Variants in LRBA observed in about 807,000 individuals in gnomAD.
LRBA encodes lipopolysaccharide-responsive and beige-like anchor protein.
Under a neutral mutation model 330.0 loss-of-function variants are expected in LRBA, and 176 were observed. That is an observed-to-expected ratio of 0.53 (90% CI 0.47 to 0.60). The LOEUF (loss-of-function observed/expected upper bound fraction) is 0.60. LRBA is among the 20% of genes least tolerant of loss of function. The pLI is 0.00. For synonymous variants in LRBA, 1,230 were observed against 1,193.0 expected (o/e 1.03, Z -0.64); for missense variants, 3,259 against 3,444.8 (o/e 0.95, Z 1.35).
chr4:150,380,940 C>T (rs984159165), intron 47 of LRBA, among the ~76,000 whole-genome samples: 2 of 138,042 alleles, frequency 1.4e-5, no homozygotes, highest in South Asian at 4.5e-4. Context: ...CAAGATTGCA[C>T]CATTGCATTC....
chr4:150,301,728 G>A (rs963384334), intron 53 of LRBA, among the ~76,000 whole-genome samples: 4 of 152,014 alleles, frequency 2.6e-5, no homozygotes, highest in South Asian at 2.1e-4. Context: ...AGCAAGGACC[G>A]GGTATTCAGG....
intron 28 of LRBA, among the ~76,000 whole-genome samples, chr4:150,835,897 C>G (rs937707655): frequency 6.6e-6 from 1 of 152,174 alleles, no homozygotes; most frequent in Non-Finnish European, 1.5e-5. Flanking sequence ...AAAGGGAATG[C>G]TTCCAGTTTT....
intron 40 of LRBA, chr4:150,582,848 G>A (rs1581738645): frequency 3.4e-6 from 2 of 586,502 alleles, no homozygotes; most frequent in African/African-American, 3.7e-5. Context: ...GAGGGAAAAG[G>A]AAAAAACAAG....
chr4:150,599,102 T>G lies in LRBA; in HGVS notation c.5951A>C (p.Tyr1984Ser). 6.2e-7 allele frequency: 1 copy of G among 1,614,010 alleles called. No homozygotes were observed. Among genetic ancestry groups the G allele is most frequent in the East Asian group, 2.2e-5 (1 of 44,858 alleles). ...SRPLEFWRLDYWEDDLRRRRR... is the reference protein window; with the variant it reads ...SRPLEFWRLDSWEDDLRRRRR... ...CCGGCGCCGCAAGTCATCTTCCCAG[T>G]AGTCAAGGCGCCAGAACTCAAGAGG... is the stretch of plus-strand genomic sequence containing the variant. The change falls in exon 38 of 57, where the codon TAC (tyrosine) becomes TCC (serine). Residue 1984 changes from tyrosine to serine, a missense_variant. By Grantham distance (144) the Tyr-to-Ser change is moderately radical (BLOSUM62 -2). Coordinates refer to ENST00000651943, the MANE Select transcript of LRBA (RefSeq NM_001364905.1).
intron 2 of LRBA, among the ~76,000 whole-genome samples, chr4:151,008,988 A>AAAAAAAATATATATATATATAT (rs1554018903): frequency 1.8e-4 from 1 of 5,524 alleles, no homozygotes; most frequent in African/African-American, 4.7e-4. Context: ...AAAAAAAAAA[A>AAAAAAAATATATATATATATAT]ATATATATAT....
At chr4:150,397,711 C>G (rs1744930945) in intron 47 of LRBA, among the ~76,000 whole-genome samples, 1 of 151,980 alleles carries the variant, frequency 6.6e-6, no homozygotes, top group South Asian at 2.1e-4. Flanking sequence ...CACTGGAATC[C>G]CAGTTCAATA....
chr4:151,003,165 A>G (rs2149656295), intron 2 of LRBA, among the ~76,000 whole-genome samples: 1 of 151,978 alleles, frequency 6.6e-6, no homozygotes, highest in Non-Finnish European at 1.5e-5. Context: ...GGAGGCCAAG[A>G]TGGACAGATC....
chr4:150,827,592 TTC>T (rs889451281), intron 30 of LRBA, among the ~76,000 whole-genome samples: 8 of 151,772 alleles, frequency 5.3e-5, no homozygotes, highest in African/African-American at 1.7e-4. Context: ...TCCTTATGAT[TTC>T]TTTTTTTTTC....
chr4:150,821,491 T>G (rs541197198), intron 30 of LRBA, among the ~76,000 whole-genome samples: 1 of 152,240 alleles, frequency 6.6e-6, no homozygotes, highest in East Asian at 1.9e-4. Flanking sequence ...CTGGATTTTT[T>G]TTTTCCCCTG....
chr4:150,728,415 T>A (rs1729990028), intron 36 of LRBA, among the ~76,000 whole-genome samples: 1 of 151,988 alleles, frequency 6.6e-6, no homozygotes, highest in South Asian at 2.1e-4. Flanking sequence ...TAGGCCAATC[T>A]CACTGGTGAA....
chr4:150,886,243 C>T (rs1314277939), intron 17 of LRBA, among the ~76,000 whole-genome samples: 4 of 152,092 alleles, frequency 2.6e-5, no homozygotes, highest in Non-Finnish European at 5.9e-5. Context: ...TGAATCTGCC[C>T]CTGTTTCAGG....
rs146896627 is a variant in LRBA, at chr4:150,912,941, T to C, written c.1161+1254A>G. Among the ~76,000 whole-genome samples the C allele has an allele frequency of 2.3e-3, 349 of 152,312 alleles. 3 individuals carry two copies. The highest frequency in any genetic ancestry group is 7.5e-3 in the African/African-American group (313 of 41,568). ...TCTCAAGATATTTTCTAATTTTCCTTGTGATTTATCTTTGACCCAAAGGCT... is the reference window on the plus strand; with the variant it reads ...TCTCAAGATATTTTCTAATTTTCCTCGTGATTTATCTTTGACCCAAAGGCT... On this transcript the variant is annotated intron_variant, in intron 9 of 56. Coordinates refer to ENST00000651943, the MANE Select transcript of LRBA (RefSeq NM_001364905.1).
intron 37 of LRBA, among the ~76,000 whole-genome samples, chr4:150,663,261 T>C (rs1016427017): frequency 2.7e-5 from 4 of 150,696 alleles, no homozygotes; most frequent in Non-Finnish European, 5.9e-5. Context: ...GGTGTAGATC[T>C]TGAATTTCCA....
chr4:150,869,276 T>G (rs531648010), intron 20 of LRBA, among the ~76,000 whole-genome samples: 1 of 152,172 alleles, frequency 6.6e-6, no homozygotes, highest in South Asian at 2.1e-4. Context: ...AAAAGTAAAA[T>G]TAGACACAAA....
At chr4:150,673,253 T>C (rs1782233260) in intron 37 of LRBA, among the ~76,000 whole-genome samples, 2 of 152,142 alleles carry the variant, frequency 1.3e-5, no homozygotes, top group African/African-American at 2.4e-5. Flanking sequence ...CAGAAAAAAA[T>C]TGACAAGAAT....
At chr4:150,859,202 T>C (rs184987390) in intron 22 of LRBA, among the ~76,000 whole-genome samples, 5 of 152,306 alleles carry the variant, frequency 3.3e-5, no homozygotes, top group Non-Finnish European at 7.4e-5. Flanking sequence ...ATCCAATTCA[T>C]ATTATACTTT....
intron 16 of LRBA, among the ~76,000 whole-genome samples, chr4:150,893,955 G>A (rs1186178930): frequency 2.0e-5 from 3 of 152,074 alleles, no homozygotes; most frequent in Non-Finnish European, 4.4e-5. Flanking sequence ...GATTACAGGC[G>A]TGAGTGAGCC....
At chr4:150,426,536 G>A (rs1246716506) in intron 46 of LRBA, among the ~76,000 whole-genome samples, 2 of 151,802 alleles carry the variant, frequency 1.3e-5, no homozygotes, top group African/African-American at 4.8e-5. Flanking sequence ...AAATCACAGG[G>A]TTTGCTGTGA....
At chr4:150,273,699 G>A (rs1385290480) in intron 56 of LRBA, among the ~76,000 whole-genome samples, 2 of 151,052 alleles carry the variant, frequency 1.3e-5, no homozygotes, top group Non-Finnish European at 2.9e-5. Flanking sequence ...AATCAACAAA[G>A]ATCAAAAGAG....
Sources: allele counts gnomAD v4.1 joint callset (sites outside exome capture counted in the v4.1 genomes callset), GRCh38; gene constraint gnomAD v4.1.1; transcripts MANE v1.5; gene names NCBI Gene and HGNC (gene_info 2026-07-23, HGNC 2026-07-21).